Variants in LRRIQ3 observed in about 807,000 individuals in gnomAD.
LRRIQ3 encodes leucine-rich repeat and IQ domain-containing protein 3.
LRRIQ3 carries 75 observed loss-of-function variants against 59.3 expected under a neutral mutation model. The ratio of observed to expected loss-of-function variants is 1.26; its 90% CI spans 1.05 to 1.53. LRRIQ3 has a LOEUF of 1.53. Among genes scored for constraint, LRRIQ3 ranks in the 40% most tolerant of loss-of-function variants. The pLI, the probability that LRRIQ3 is intolerant of heterozygous loss-of-function variation, is 0.00. For missense variants in LRRIQ3, 831 were observed against 710.0 expected, an observed-to-expected ratio of 1.17 and a Z score of -1.94; for synonymous variants, 250 against 231.3, an observed-to-expected ratio of 1.08 and a Z score of -0.73.
chr1:74,034,957 A>T (rs1245246187), intron 7 of LRRIQ3, among the ~76,000 whole-genome samples: 2 of 152,036 alleles, frequency 1.3e-5, no homozygotes, highest in Non-Finnish European at 2.9e-5. Context: ...TAGCACTAGG[A>T]TAAAACTGTG....
intron 5 of LRRIQ3, chr1:74,082,976 G>A (rs1370353943): frequency 2.0e-5 from 3 of 151,444 alleles, no homozygotes; most frequent in African/African-American, 7.3e-5. Flanking sequence ...TTACAATACT[G>A]AAGCCTAAAA....
intron 5 of LRRIQ3, among the ~76,000 whole-genome samples, chr1:74,088,617 T>TAC (rs1646357699): frequency 6.6e-6 from 1 of 151,972 alleles, no homozygotes; most frequent in South Asian, 2.1e-4. Context: ...TGGATATCTA[T>TAC]ATGTAAAATA....
intron 6 of LRRIQ3, among the ~76,000 whole-genome samples, chr1:74,057,905 T>A (rs574047071): frequency 6.6e-6 from 1 of 151,922 alleles, no homozygotes; most frequent in East Asian, 1.9e-4. Flanking sequence ...TAAAAAATAG[T>A]CAAAATCCCT....
intron 6 of LRRIQ3, among the ~76,000 whole-genome samples, chr1:74,053,013 G>A (rs1654413578): frequency 6.6e-6 from 1 of 151,790 alleles, no homozygotes; most frequent in Non-Finnish European, 1.5e-5. Flanking sequence ...TTTGGTATTG[G>A]CAAGAGTATT....
chr1:74,086,421 C>G (rs1222963052), intron 5 of LRRIQ3, among the ~76,000 whole-genome samples: 1 of 152,104 alleles, frequency 6.6e-6, no homozygotes, highest in Non-Finnish European at 1.5e-5. Context: ...TCAACTCTTT[C>G]TTGCCATGTG....
intron 6 of LRRIQ3, among the ~76,000 whole-genome samples, chr1:74,072,101 A>G (rs762230165): frequency 2.4e-4 from 37 of 152,158 alleles, no homozygotes; most frequent in Non-Finnish European, 5.0e-4. Flanking sequence ...TATCACCATT[A>G]TATTTAGCCA....
chr1:74,059,147 C>G (rs1654626955), intron 6 of LRRIQ3, among the ~76,000 whole-genome samples: 1 of 151,982 alleles, frequency 6.6e-6, no homozygotes, highest in Non-Finnish European at 1.5e-5. Context: ...CAGCGAGTGT[C>G]TTTTCACTTT....
chr1:74,098,235 A>G (rs1646476049), intron 5 of LRRIQ3, among the ~76,000 whole-genome samples: 1 of 152,200 alleles, frequency 6.6e-6, no homozygotes, highest in Non-Finnish European at 1.5e-5. Flanking sequence ...TAGAAAACAA[A>G]AAAAGGCAGG....
chr1:74,048,628 C>G (rs1654272784), intron 6 of LRRIQ3, among the ~76,000 whole-genome samples: 1 of 152,038 alleles, frequency 6.6e-6, no homozygotes, highest in South Asian at 2.1e-4. Flanking sequence ...ATTCAGGGAT[C>G]ACAAATATAA....
At chr1:74,107,393 C>T (rs1417157002) in intron 5 of LRRIQ3, among the ~76,000 whole-genome samples, 2 of 151,844 alleles carry the variant, frequency 1.3e-5, no homozygotes, top group Admixed American at 6.6e-5. Context: ...TACTCCTTAA[C>T]CCTTTCACTG....
chr1:74,073,959 A>G (rs988755349), intron 6 of LRRIQ3, among the ~76,000 whole-genome samples: 1 of 152,192 alleles, frequency 6.6e-6, no homozygotes, highest in African/African-American at 2.4e-5. Context: ...AAATTTTATC[A>G]GCAATAAGAC....
At chr1:74,150,022 T>G (rs1647824508) in intron 4 of LRRIQ3, among the ~76,000 whole-genome samples, 1 of 152,136 alleles carries the variant, frequency 6.6e-6, no homozygotes, top group South Asian at 2.1e-4. Flanking sequence ...TAACGAAATG[T>G]AGGAAAAGAG....
intron 4 of LRRIQ3, among the ~76,000 whole-genome samples, chr1:74,115,024 T>C (rs914238038): frequency 6.6e-6 from 1 of 152,024 alleles, no homozygotes; most frequent in Admixed American, 6.6e-5. Context: ...TTCTAAAATA[T>C]ACTATCTTGT....
intron 6 of LRRIQ3, among the ~76,000 whole-genome samples, chr1:74,064,634 T>C (rs1654819072): frequency 6.6e-6 from 1 of 152,068 alleles, no homozygotes; most frequent in Admixed American, 6.6e-5. Flanking sequence ...TATCTGGGAA[T>C]GGTTTCATTT....
chr1:74,066,643 T>G (rs1338540969), intron 6 of LRRIQ3, among the ~76,000 whole-genome samples: 1 of 152,194 alleles, frequency 6.6e-6, no homozygotes, highest in Non-Finnish European at 1.5e-5. Context: ...ATTCTCTCAC[T>G]TAATTTTCAT....
At chr1:74,081,349 G>A (rs758654466) in intron 5 of LRRIQ3, among the ~76,000 whole-genome samples, 4 of 151,592 alleles carry the variant, frequency 2.6e-5, no homozygotes, top group Non-Finnish European at 5.9e-5. Flanking sequence ...GAAAGCTTAT[G>A]TTCCCTCAGT....
intron 7 of LRRIQ3, among the ~76,000 whole-genome samples, chr1:74,036,666 A>T (rs1402277820): frequency 6.6e-6 from 1 of 152,160 alleles, no homozygotes; most frequent in African/African-American, 2.4e-5. Flanking sequence ...GCTTTTTGCC[A>T]TATTTCCCAC....
At chr1:74,040,124 C>A (rs552835641) in intron 7 of LRRIQ3, among the ~76,000 whole-genome samples, 2,910 of 151,636 alleles carry the variant, frequency 0.019, 80 homozygotes, top group African/African-American at 0.067. Flanking sequence ...AAAAGAAAAA[C>A]AAGCAAGGGT....
intron 4 of LRRIQ3, among the ~76,000 whole-genome samples, chr1:74,120,944 AT>A (rs1187782943): frequency 6.6e-6 from 1 of 152,148 alleles, no homozygotes; most frequent in Non-Finnish European, 1.5e-5. Flanking sequence ...ATTATGATTG[AT>A]TAACATTTAA....
Sources: gnomAD v4.1 joint callset for allele counts (sites outside exome capture counted in the v4.1 genomes callset) on GRCh38, gnomAD v4.1.1 for gene constraint, MANE v1.5 for transcripts, NCBI Gene and HGNC (gene_info 2026-07-23, HGNC 2026-07-21) for gene names.